The following PRKAR1A variants were observed in gnomAD, a reference collection of about 807,000 sequenced individuals.
PRKAR1A encodes cAMP-dependent protein kinase type I-alpha regulatory subunit.
In PRKAR1A, 3 loss-of-function variants were observed where a neutral mutation model predicts 52.0. The observed-to-expected ratio is 0.06, with a 90% CI of 0.03 to 0.15. PRKAR1A has a LOEUF of 0.15. Among genes scored for constraint, PRKAR1A ranks in the 10% least tolerant of loss-of-function variants. The pLI is 1.00. For synonymous variants in PRKAR1A, 188 were observed against 168.4 expected, an observed-to-expected ratio of 1.12 and a Z score of -0.90; for missense variants, 240 against 477.4, an observed-to-expected ratio of 0.50 and a Z score of 4.63.
At chr17:68,478,323 G>A in the PRKAR1A span, among the ~76,000 whole-genome samples, 1 of 152,192 alleles carries the variant, frequency 6.6e-6, no homozygotes, top group Admixed American at 6.5e-5. Flanking sequence ...ATGGTGGCGT[G>A]CGCCTGTAGT....
chr17:68,452,677 A>T, the PRKAR1A span, among the ~76,000 whole-genome samples: 2 of 152,246 alleles, frequency 1.3e-5, no homozygotes, highest in Non-Finnish European at 2.9e-5. Context: ...ATTTCACACA[A>T]ATAATTTCTT....
chr17:68,499,817 T>C, the PRKAR1A span, among the ~76,000 whole-genome samples: 1 of 152,214 alleles, frequency 6.6e-6, no homozygotes, highest in Non-Finnish European at 1.5e-5. Flanking sequence ...GCCAGTGGTG[T>C]AGGTGAATCA....
the PRKAR1A span, among the ~76,000 whole-genome samples, chr17:68,455,531 G>A: frequency 4.7e-4 from 72 of 152,268 alleles, 1 homozygote; most frequent in African/African-American, 1.6e-3. Flanking sequence ...ACACCTAAAT[G>A]TATTCAGTAA....
chr17:68,541,139 G>T, intron 11 of PRKAR1A: 2 of 810,648 alleles, frequency 2.5e-6, no homozygotes, highest in Non-Finnish European at 3.8e-6. Flanking sequence ...ATTCCGTGTG[G>T]TGAGAAGGTC....
chr17:68,420,473 T>C, the PRKAR1A span: 134 of 1,603,398 alleles, frequency 8.4e-5, no homozygotes, highest in Non-Finnish European at 1.1e-4. Context: ...ACAGACCAAT[T>C]TTTATTCCAC....
chr17:68,523,986 A>G (rs1329370667), intron 4 of PRKAR1A, 30 bp from the exon 5 acceptor site: 3 of 1,612,466 alleles, frequency 1.9e-6, no homozygotes, highest in Non-Finnish European at 2.5e-6. Context: ...GACATGTGAA[A>G]TGTAACACGA....
At chr17:68,506,216 C>G in the PRKAR1A span, among the ~76,000 whole-genome samples, 5 of 151,962 alleles carry the variant, frequency 3.3e-5, 1 homozygote, top group East Asian at 3.9e-4. Context: ...CAGCCTCACA[C>G]CATCTTCCAT....
At chr17:68,541,159 T>G (rs1469067396) in intron 11 of PRKAR1A, 2 of 672,048 alleles carry the variant, frequency 3.0e-6, no homozygotes, top group South Asian at 1.9e-5. Flanking sequence ...CCTGGGTCCT[T>G]TAAGTCTGGT....
the PRKAR1A span, among the ~76,000 whole-genome samples, chr17:68,473,676 C>A: frequency 1.3e-5 from 2 of 152,162 alleles, no homozygotes; most frequent in Non-Finnish European, 2.9e-5. Flanking sequence ...GCGTGCGCCA[C>A]CATGCCTGGC....
At chr17:68,452,156 T>C in the PRKAR1A span, among the ~76,000 whole-genome samples, 1 of 152,240 alleles carries the variant, frequency 6.6e-6, no homozygotes, top group East Asian at 1.9e-4. Flanking sequence ...TAGACATGCT[T>C]CAACATCATT....
the PRKAR1A span, among the ~76,000 whole-genome samples, chr17:68,476,013 A>T: frequency 8.6e-5 from 13 of 152,032 alleles, no homozygotes; most frequent in Admixed American, 4.6e-4. Context: ...CCTTCTGTGT[A>T]GTTTAATATG....
chr17:68,437,005 A>ATATATATATATAT, the PRKAR1A span, among the ~76,000 whole-genome samples: 26 of 107,260 alleles, frequency 2.4e-4, no homozygotes, highest in East Asian at 1.6e-3. Context: ...AAAAAAAAAA[A>ATATATATATATAT]ATATATATAT....
the PRKAR1A span, among the ~76,000 whole-genome samples, chr17:68,458,155 T>C: frequency 3.9e-5 from 6 of 152,226 alleles, no homozygotes; most frequent in African/African-American, 1.4e-4. Context: ...GCAAGTTATC[T>C]TATCCATTGC....
At chr17:68,434,462 A>G in the PRKAR1A span, 1 of 1,335,604 alleles carries the variant, frequency 7.5e-7, no homozygotes, top group Non-Finnish European at 1.0e-6. Flanking sequence ...TGGAGGGCAC[A>G]GAGCCACTCT....
the PRKAR1A span, among the ~76,000 whole-genome samples, chr17:68,431,408 G>A: frequency 1.3e-5 from 2 of 152,048 alleles, no homozygotes; most frequent in East Asian, 1.9e-4. Flanking sequence ...TTTATGGGAT[G>A]GTGTCTCTGT....
In PRKAR1A at chr17:68,524,117, G is replaced by C. The variant is rs377246761; in HGVS notation, c.502+40G>C. 5 of 1,602,982 alleles carry C rather than the reference G, an allele frequency of 3.1e-6. No homozygotes were observed. In the African/African-American group the frequency reaches 6.7e-5, roughly 21 times the overall value. On this transcript the variant is annotated intron_variant, in intron 5 of 10. Coordinates refer to ENST00000589228, the MANE Select transcript of PRKAR1A (RefSeq NM_002734.5). The stretch of plus-strand genomic sequence containing the variant: ...AGCATGCAATATTGTTACGGGAGAG[G>C]AGGCGAGACTAGAGGATTTTTTTGG...
At chr17:68,486,570 T>C in the PRKAR1A span, among the ~76,000 whole-genome samples, 2 of 144,800 alleles carry the variant, frequency 1.4e-5, no homozygotes, top group Admixed American at 1.4e-4. Context: ...TCTTTCTTTC[T>C]TCTTTCCTTC....
chr17:68,430,115 C>T, the PRKAR1A span: 106 of 1,614,116 alleles, frequency 6.6e-5, no homozygotes, highest in Non-Finnish European at 8.8e-5. Flanking sequence ...CAGCCATAAA[C>T]ATCTTTCCCA....
the PRKAR1A span, among the ~76,000 whole-genome samples, chr17:68,486,513 CTTTCT>C: frequency 2.1e-3 from 120 of 57,266 alleles, no homozygotes; most frequent in South Asian, 5.3e-3. Flanking sequence ...TTCCTTCTTT[CTTTCT>C]TTCTTTCTTT....
Sources: allele counts gnomAD v4.1 joint callset (sites outside exome capture counted in the v4.1 genomes callset), GRCh38; gene constraint gnomAD v4.1.1; transcripts MANE v1.5; gene names NCBI Gene and HGNC (gene_info 2026-07-23, HGNC 2026-07-21).